Variants in NFIA observed in about 807,000 individuals in gnomAD.
NFIA encodes the protein nuclear factor I A, also known as nuclear factor 1 A-type.
Under a neutral mutation model 62.8 loss-of-function variants are expected in NFIA, and 8 were observed. The observed-to-expected ratio is 0.13, with a 90% confidence interval of 0.07 to 0.23. The LOEUF is 0.23. Ranked by LOEUF, NFIA falls within the 10% of genes least tolerant of loss-of-function variation. The pLI is 1.00. For synonymous variants in NFIA, 235 were observed against 238.1 expected, an observed-to-expected ratio of 0.99 and a Z score of 0.12; for missense variants, 410 against 642.1, an observed-to-expected ratio of 0.64 and a Z score of 3.91.
In NFIA at chr1:61,458,011, T is replaced by A. The variant is rs1224790455; in HGVS notation, c.*2691T>A. The A allele has an allele frequency of 1.3e-5, 2 of 151,868 alleles. No individual in the cohort carries two copies. The highest frequency in any genetic ancestry group is 1.9e-4 in the East Asian group (1 of 5,190). The allele number at this position is 151,868 out of a possible 1,614,324, so 9.4% of individuals were successfully genotyped here. A position where few individuals can be genotyped will look rare whatever the true frequency, so the allele number is the denominator to read the frequency against. On this transcript the variant is annotated 3_prime_UTR_variant, in exon 11 of 11. Transcript: ENST00000403491. The stretch of plus-strand genomic sequence containing the variant: ...TTATCTCTATTTAAGGAAAAAAAAA[T>A]AAAATAAAACATTTTGGATTTTCAT...
chr1:61,330,443 C>CCCCCACA (rs554691317), intron 3 of NFIA, among the ~76,000 whole-genome samples: 907 of 90,604 alleles, frequency 0.01, 40 homozygotes, highest in African/African-American at 0.027. Context: ...TACACCCCCC[C>CCCCCACA]CACACACACA....
At chr1:61,392,811 A>C (rs1039076838) in intron 7 of NFIA, among the ~76,000 whole-genome samples, 2 of 152,190 alleles carry the variant, frequency 1.3e-5, no homozygotes, top group African/African-American at 4.8e-5. Flanking sequence ...TGAGTGCTGA[A>C]GAGAATAGGG....
chr1:61,305,763 A>G (rs775530485), intron 3 of NFIA, among the ~76,000 whole-genome samples: 4 of 152,124 alleles, frequency 2.6e-5, no homozygotes, highest in Non-Finnish European at 4.4e-5. Flanking sequence ...TTGGTTAGTA[A>G]AAGAATATGG....
intron 2 of NFIA, among the ~76,000 whole-genome samples, chr1:61,166,894 C>G (rs577945692): frequency 5.9e-5 from 9 of 152,342 alleles, no homozygotes; most frequent in African/African-American, 2.2e-4. Flanking sequence ...GTAATCCCAA[C>G]ACTTTGGGAG....
Position 61,456,587 on chromosome 1 carries a change from T to C in NFIA, c.*1267T>C, listed in dbSNP as rs1198606706. ...CTGGCATCATAGGATTTATCAGTTA[T>C]CAGACACCTCATTGTACCAGAGATT... On this transcript the variant is annotated 3_prime_UTR_variant, in exon 11 of 11. Transcript: ENST00000403491. 2.0e-5 allele frequency: 3 copies of C among 151,386 alleles called. No individual in the cohort carries two copies. The highest frequency in any genetic ancestry group is 4.4e-5 in the Non-Finnish European group (3 of 67,862). The allele number at this position is 151,386 out of a possible 1,614,324, so 9.4% of individuals were successfully genotyped here.
chr1:61,432,626 T>TACACACATATATATAC, intron 10 of NFIA, among the ~76,000 whole-genome samples: 2 of 13,310 alleles, frequency 1.5e-4, no homozygotes, highest in South Asian at 8.4e-3. Context: ...CACACACACG[T>TACACACATATATATAC]ACACACATAT....
chr1:61,170,780 C>T (rs991996785), intron 2 of NFIA, among the ~76,000 whole-genome samples: 3 of 152,174 alleles, frequency 2.0e-5, no homozygotes, highest in African/African-American at 4.8e-5. Flanking sequence ...GCCTTTTTAA[C>T]GGCTGGACAC....
At chr1:61,086,062 T>C (rs942664028) in intron 1 of NFIA, among the ~76,000 whole-genome samples, 1 of 152,188 alleles carries the variant, frequency 6.6e-6, no homozygotes, top group Non-Finnish European at 1.5e-5. Flanking sequence ...AACATAGATA[T>C]GAATCGTTTG....
At chr1:61,191,583 T>C (rs889323886) in intron 2 of NFIA, among the ~76,000 whole-genome samples, 164 of 152,234 alleles carry the variant, frequency 1.1e-3, no homozygotes, top group African/African-American at 3.7e-3. Flanking sequence ...CATCAGCTTC[T>C]GCTGTGTAGA....
intron 2 of NFIA, among the ~76,000 whole-genome samples, chr1:61,276,850 C>A (rs1232247244): frequency 1.3e-5 from 2 of 151,796 alleles, no homozygotes; most frequent in Non-Finnish European, 2.9e-5. Context: ...TAGAGGTGTA[C>A]AAAAATCTGT....
At chr1:61,178,706 G>C (rs1451553920) in intron 2 of NFIA, among the ~76,000 whole-genome samples, 1 of 152,214 alleles carries the variant, frequency 6.6e-6, no homozygotes, top group Non-Finnish European at 1.5e-5. Context: ...AATAGCATGA[G>C]CTTACAGTTT....
intron 6 of NFIA, among the ~76,000 whole-genome samples, chr1:61,372,641 T>C (rs1663955046): frequency 6.6e-6 from 1 of 152,148 alleles, no homozygotes; most frequent in Non-Finnish European, 1.5e-5. Flanking sequence ...TGTAGTTGTG[T>C]GATTTACATA....
intron 2 of NFIA, among the ~76,000 whole-genome samples, chr1:61,156,679 C>T (rs1648840323): frequency 6.6e-6 from 1 of 152,158 alleles, no homozygotes; most frequent in Admixed American, 6.5e-5. Context: ...TCCCCAGTGC[C>T]CTGACTGTGT....
chr1:61,201,447 A>T (rs1247596559), intron 2 of NFIA, among the ~76,000 whole-genome samples: 3 of 152,084 alleles, frequency 2.0e-5, no homozygotes, highest in Admixed American at 6.5e-5. Flanking sequence ...AATTATAAAG[A>T]ACTTAAAAGC....
At chr1:61,145,411 T>C (rs573032428) in intron 2 of NFIA, among the ~76,000 whole-genome samples, 1 of 152,216 alleles carries the variant, frequency 6.6e-6, no homozygotes, top group Non-Finnish European at 1.5e-5. Flanking sequence ...AGAAACATTA[T>C]CTACTGGATG....
chr1:61,443,527 G>A (rs1667677002), intron 10 of NFIA, among the ~76,000 whole-genome samples: 1 of 152,308 alleles, frequency 6.6e-6, no homozygotes, highest in South Asian at 2.1e-4. Context: ...CTGCAGGGAT[G>A]CAGCTGCTGA....
chr1:61,445,042 G>A (rs1449460142), intron 10 of NFIA, among the ~76,000 whole-genome samples: 7 of 152,148 alleles, frequency 4.6e-5, no homozygotes, highest in Admixed American at 2.0e-4. Flanking sequence ...GATTTTGTAC[G>A]CATGCTCAAT....
At chr1:61,232,207 G>T (rs941896478) in intron 2 of NFIA, among the ~76,000 whole-genome samples, 27 of 152,110 alleles carry the variant, frequency 1.8e-4, no homozygotes, top group Non-Finnish European at 3.1e-4. Context: ...ATATTGAGTA[G>T]GTTATATCTG....
intron 2 of NFIA, among the ~76,000 whole-genome samples, chr1:61,161,749 A>G (rs1313040070): frequency 6.6e-6 from 1 of 152,126 alleles, no homozygotes; most frequent in Non-Finnish European, 1.5e-5. Context: ...TTATATATAC[A>G]CACACACACA....
Sources: gnomAD v4.1 joint callset for allele counts (sites outside exome capture counted in the v4.1 genomes callset) on GRCh38, gnomAD v4.1.1 for gene constraint, MANE v1.5 for transcripts, NCBI Gene and HGNC (gene_info 2026-07-23, HGNC 2026-07-21) for gene names.